DNAAF19: variants seen among roughly 807,000 people sequenced by gnomAD.
DNAAF19 encodes dynein axonemal assembly factor 19.
At chr17:44,904,331 G>A in the DNAAF19 span, 1 of 1,543,288 alleles carries the variant, frequency 6.5e-7, no homozygotes, top group East Asian at 2.4e-5. Flanking sequence ...GCACCTCCAT[G>A]TCTTCACCAC....
the DNAAF19 span, chr17:44,903,503 G>C: frequency 9.5e-5 from 122 of 1,280,652 alleles, no homozygotes; most frequent in Middle Eastern, 1.8e-3. Flanking sequence ...CGAGCACCTC[G>C]GCCCGCCCTT....
At chr17:44,901,665 C>T in the DNAAF19 span, 3 of 1,613,676 alleles carry the variant, frequency 1.9e-6, no homozygotes, top group Non-Finnish European at 2.5e-6. Flanking sequence ...AGGTGAGGCC[C>T]TGCCCCTTTA....
At chr17:44,902,590 T>C in the DNAAF19 span, 4 of 1,614,046 alleles carry the variant, frequency 2.5e-6, no homozygotes, top group African/African-American at 4.0e-5. Flanking sequence ...GGGGATCCTA[T>C]GCAGCCTGGC....
At chr17:44,900,034 G>C in the DNAAF19 span, among the ~76,000 whole-genome samples, 112 of 152,186 alleles carry the variant, frequency 7.4e-4, no homozygotes, top group Non-Finnish European at 1.4e-3. Context: ...TGATGACCCC[G>C]CCACAAAATC....
the DNAAF19 span, chr17:44,905,005 T>C: frequency 3.2e-6 from 5 of 1,550,756 alleles, no homozygotes; most frequent in South Asian, 2.4e-5. Flanking sequence ...CAGCAGTCTT[T>C]GTCACCATTC....
chr17:44,904,803 A>C, the DNAAF19 span: 5 of 1,550,598 alleles, frequency 3.2e-6, no homozygotes, highest in Non-Finnish European at 4.4e-6. Context: ...GTGTTCATTG[A>C]CCACGGCAAC....
chr17:44,904,121 G>T, the DNAAF19 span: 1 of 1,550,528 alleles, frequency 6.4e-7, no homozygotes, highest in South Asian at 1.2e-5. Context: ...TGTGGGCAGC[G>T]ACATGCTGAC....
the DNAAF19 span, chr17:44,904,553 C>G: frequency 1.3e-6 from 2 of 1,550,470 alleles, no homozygotes; most frequent in African/African-American, 2.7e-5. Context: ...CTGCTTAGTA[C>G]CCTGTGAGAA....
At chr17:44,903,925 C>T in the DNAAF19 span, 1 of 1,550,602 alleles carries the variant, frequency 6.4e-7, no homozygotes. Context: ...GGACCCCCTG[C>T]CCTGCTTTCC....
chr17:44,904,738 C>T, the DNAAF19 span: 9 of 1,550,474 alleles, frequency 5.8e-6, no homozygotes, highest in South Asian at 9.5e-5. Flanking sequence ...GGGACAAAGA[C>T]CGCCAGCACC....
chr17:44,901,080 C>G, the DNAAF19 span: 2 of 1,604,102 alleles, frequency 1.2e-6, no homozygotes, highest in East Asian at 4.5e-5. Context: ...GAAGTACAAA[C>G]GGGAGAATGC....
At chr17:44,901,549 C>T in the DNAAF19 span, 2 of 1,614,118 alleles carry the variant, frequency 1.2e-6, no homozygotes, top group Non-Finnish European at 1.7e-6. Context: ...CATCTGAAGC[C>T]ACTGGAGCGG....
the DNAAF19 span, chr17:44,902,558 C>T: frequency 5.6e-6 from 9 of 1,614,096 alleles, no homozygotes; most frequent in African/African-American, 4.0e-5. Context: ...CACGTGGGGC[C>T]GGCTGACCGG....
chr17:44,903,295 G>A, the DNAAF19 span: 1 of 1,245,724 alleles, frequency 8.0e-7, no homozygotes, highest in Non-Finnish European at 1.0e-6. Flanking sequence ...TTGAGGTGTT[G>A]AATTTTCCCC....
the DNAAF19 span, chr17:44,901,740 GTTT>G: frequency 6.7e-7 from 1 of 1,483,498 alleles, no homozygotes; most frequent in African/African-American, 1.4e-5. Context: ...GTTTTGTTTT[GTTT>G]TTTTAACCAC....
chr17:44,902,712 G>T, the DNAAF19 span: 1 of 1,613,750 alleles, frequency 6.2e-7, no homozygotes, highest in Non-Finnish European at 8.5e-7. Context: ...GATCCGTGAA[G>T]GAGGGGCTCA....
the DNAAF19 span, chr17:44,903,464 T>G: frequency 7.9e-7 from 1 of 1,267,498 alleles, no homozygotes; most frequent in East Asian, 3.0e-5. Context: ...GGGCAGGGCC[T>G]GGAGCACTGA....
At chr17:44,903,123 C>A in the DNAAF19 span, 19 of 1,286,536 alleles carry the variant, frequency 1.5e-5, no homozygotes, top group Non-Finnish European at 1.9e-5. Flanking sequence ...GTGTGCCCAA[C>A]CAAATGCTGG....
the DNAAF19 span, chr17:44,901,586 T>C: frequency 1.9e-6 from 3 of 1,614,180 alleles, no homozygotes; most frequent in South Asian, 3.3e-5. Flanking sequence ...GAAAGAGAAC[T>C]GTGCCCTGGA....
Sources: gnomAD v4.1 joint callset for allele counts (sites outside exome capture counted in the v4.1 genomes callset) on GRCh38, gnomAD v4.1.1 for gene constraint, MANE v1.5 for transcripts, NCBI Gene and HGNC (gene_info 2026-07-23, HGNC 2026-07-21) for gene names.